PDGFC: variants seen among roughly 807,000 people sequenced by gnomAD.
The protein encoded by PDGFC is platelet derived growth factor C.
A neutral mutation model predicts 35.5 loss-of-function variants in PDGFC; 12 were observed. That is an observed-to-expected ratio of 0.34 (90% CI 0.22 to 0.55). The LOEUF (loss-of-function observed/expected upper bound fraction) is 0.55, where lower values mean the gene tolerates loss of function less well. PDGFC is among the 20% of genes least tolerant of loss of function. The pLI is 0.91. For synonymous variants in PDGFC, 159 were observed against 148.8 expected (o/e 1.07, Z -0.50); for missense variants, 322 against 412.4 (o/e 0.78, Z 1.90).
chr4:156,779,966 T>G (rs1436926593), intron 3 of PDGFC, among the ~76,000 whole-genome samples: 1 of 152,168 alleles, frequency 6.6e-6, no homozygotes, highest in East Asian at 1.9e-4. Flanking sequence ...TCAGAGTCAA[T>G]ACACAGTTTC....
chr4:156,916,030 C>T (rs1277092836), intron 1 of PDGFC, among the ~76,000 whole-genome samples: 2 of 152,100 alleles, frequency 1.3e-5, no homozygotes, highest in Non-Finnish European at 2.9e-5. Flanking sequence ...CAAACTTCTA[C>T]AATGGCCAAA....
At chr4:156,969,542 A>G (rs1315149378) in intron 1 of PDGFC, among the ~76,000 whole-genome samples, 2 of 152,244 alleles carry the variant, frequency 1.3e-5, no homozygotes, top group South Asian at 2.1e-4. Flanking sequence ...TATACCCTAA[A>G]ACTTTCTGTG....
chr4:156,854,997 G>A (rs1729540130), intron 1 of PDGFC, among the ~76,000 whole-genome samples: 2 of 151,648 alleles, frequency 1.3e-5, no homozygotes, highest in African/African-American at 4.8e-5. Context: ...CTCCTCTTAA[G>A]GTAGAGGTAC....
chr4:156,907,899 T>C (rs541162211), intron 1 of PDGFC, among the ~76,000 whole-genome samples: 55 of 152,272 alleles, frequency 3.6e-4, no homozygotes, highest in Middle Eastern at 6.8e-3. Flanking sequence ...CTGGGTACAG[T>C]GGCTCACATC....
intron 2 of PDGFC, chr4:156,841,383 G>C (rs1220021410): frequency 1.3e-5 from 2 of 158,066 alleles, no homozygotes; most frequent in Non-Finnish European, 1.4e-5. Flanking sequence ...GCTGACATGT[G>C]AAGAAGGATG....
At chr4:156,802,222 T>C (rs541344834) in intron 3 of PDGFC, among the ~76,000 whole-genome samples, 1 of 152,240 alleles carries the variant, frequency 6.6e-6, no homozygotes, top group Admixed American at 6.6e-5. Context: ...TCTAAATTGA[T>C]TGAGATCAGT....
intron 1 of PDGFC, among the ~76,000 whole-genome samples, chr4:156,901,133 T>C (rs1730771697): frequency 6.6e-6 from 1 of 152,160 alleles, no homozygotes; most frequent in Admixed American, 6.5e-5. Flanking sequence ...CTTTGGTATG[T>C]TTCTTAAAAA....
chr4:156,819,541 T>C (rs1732189843), intron 2 of PDGFC, among the ~76,000 whole-genome samples: 2 of 152,152 alleles, frequency 1.3e-5, no homozygotes, highest in African/African-American at 4.8e-5. Flanking sequence ...TACAGCATGG[T>C]TTACTAAATA....
intron 1 of PDGFC, among the ~76,000 whole-genome samples, chr4:156,968,524 A>AAGT (rs1479723161): frequency 1.3e-5 from 2 of 151,988 alleles, no homozygotes; most frequent in East Asian, 3.9e-4. Flanking sequence ...GAAGAAGTAG[A>AAGT]AGTAGTAGTA....
At chr4:156,948,669 AGAAAG>A (rs1732005079) in intron 1 of PDGFC, among the ~76,000 whole-genome samples, 2 of 152,028 alleles carry the variant, frequency 1.3e-5, no homozygotes, top group Non-Finnish European at 2.9e-5. Flanking sequence ...TATGTATTTT[AGAAAG>A]GAAAGTACCA....
intron 4 of PDGFC, among the ~76,000 whole-genome samples, chr4:156,771,376 A>G (rs1177612676): frequency 6.6e-6 from 1 of 152,166 alleles, no homozygotes; most frequent in African/African-American, 2.4e-5. Flanking sequence ...CAAGGGCTCT[A>G]TTCATGGATA....
chr4:156,956,005 C>G (rs919931953), intron 1 of PDGFC, among the ~76,000 whole-genome samples: 3 of 151,996 alleles, frequency 2.0e-5, no homozygotes, highest in Non-Finnish European at 4.4e-5. Context: ...TAGAACATCC[C>G]TGAGTCCTTG....
chr4:156,819,579 A>C (rs1193228625), intron 2 of PDGFC, among the ~76,000 whole-genome samples: 1 of 152,218 alleles, frequency 6.6e-6, no homozygotes, highest in Non-Finnish European at 1.5e-5. Flanking sequence ...CTCAGAAAAA[A>C]AGATTCTTTC....
chr4:156,883,217 G>A (rs1358693774), intron 1 of PDGFC, among the ~76,000 whole-genome samples: 1 of 151,882 alleles, frequency 6.6e-6, no homozygotes, highest in Non-Finnish European at 1.5e-5. Flanking sequence ...CTTTTCTATA[G>A]TGTTATATTT....
chr4:156,873,274 C>A (rs1730029669), intron 1 of PDGFC, among the ~76,000 whole-genome samples: 1 of 152,098 alleles, frequency 6.6e-6, no homozygotes, highest in African/African-American at 2.4e-5. Context: ...TGTAGGAGCT[C>A]ACTAGGGACA....
At chr4:156,898,983 G>C (rs28544370) in intron 1 of PDGFC, among the ~76,000 whole-genome samples, 92,106 of 152,082 alleles carry the variant, frequency 0.61, 28,077 homozygotes, top group East Asian at 0.7. Flanking sequence ...CAAAAATGTA[G>C]CAAGGTTCTT....
chr4:156,832,368 T>C (rs1460399721), intron 2 of PDGFC, among the ~76,000 whole-genome samples: 1 of 150,618 alleles, frequency 6.6e-6, no homozygotes, highest in African/African-American at 2.4e-5. Flanking sequence ...GCGATTCTCC[T>C]GCCTCAGCCT....
At chr4:156,811,511 T>TA (rs1731931710) in intron 2 of PDGFC, among the ~76,000 whole-genome samples, 1 of 152,078 alleles carries the variant, frequency 6.6e-6, no homozygotes, top group Admixed American at 6.6e-5. Flanking sequence ...CTTCACTTGG[T>TA]ACTGTTCTTC....
chr4:156,870,697 G>T (rs932177191), intron 1 of PDGFC, among the ~76,000 whole-genome samples: 1 of 152,044 alleles, frequency 6.6e-6, no homozygotes, highest in African/African-American at 2.4e-5. Context: ...ACCCTAAGCC[G>T]TTGATGTATA....
Sources: gnomAD v4.1 joint callset for allele counts (sites outside exome capture counted in the v4.1 genomes callset) on GRCh38, gnomAD v4.1.1 for gene constraint, MANE v1.5 for transcripts, NCBI Gene and HGNC (gene_info 2026-07-23, HGNC 2026-07-21) for gene names.